FLYWCH1: variants seen among roughly 807,000 people sequenced by gnomAD.
FLYWCH1 encodes FLYWCH-type zinc finger-containing protein 1.
In FLYWCH1, 75 loss-of-function variants were observed where a neutral mutation model predicts 66.4. The ratio of observed to expected loss-of-function variants is 1.13; its 90% CI spans 0.94 to 1.37. The LOEUF (loss-of-function observed/expected upper bound fraction) is 1.37, where lower values mean the gene tolerates loss of function less well. Ranked by LOEUF, FLYWCH1 falls within the 40% of genes most tolerant of loss-of-function variation. The pLI is 0.00. For synonymous variants in FLYWCH1, 595 were observed against 429.9 expected (o/e 1.38, Z -4.75); for missense variants, 1,334 against 1,001.8 (o/e 1.33, Z -4.48).
chr16:2,922,448 G>T (rs1052989701), intron 2 of FLYWCH1: 2 of 221,644 alleles, frequency 9.0e-6, no homozygotes, highest in South Asian at 6.5e-5. Flanking sequence ...CCCAACGGCT[G>T]CTCTGTGCCC....
intron 2 of FLYWCH1, among the ~76,000 whole-genome samples, chr16:2,925,026 A>T (rs2070508761): frequency 6.6e-6 from 1 of 152,076 alleles, no homozygotes; most frequent in Non-Finnish European, 1.5e-5. Context: ...CTTCACTCTG[A>T]CGGCCTGGGA....
chr16:2,930,339 C>T (rs2070716276), intron 3 of FLYWCH1, 71 bp from the exon 4 acceptor site: 1 of 975,112 alleles, frequency 1.0e-6, no homozygotes, highest in South Asian at 1.8e-5. Flanking sequence ...CCCACGCCCT[C>T]CCTGGCTCTC....
intron 4 of FLYWCH1, among the ~76,000 whole-genome samples, chr16:2,932,664 A>C (rs1027839503): frequency 6.6e-6 from 1 of 152,150 alleles, no homozygotes; most frequent in African/African-American, 2.4e-5. Flanking sequence ...AACCATTTGA[A>C]TGTATTATAC....
At chr16:2,947,801 C>A (rs2071546115) in intron 9 of FLYWCH1, among the ~76,000 whole-genome samples, 1 of 148,484 alleles carries the variant, frequency 6.7e-6, no homozygotes, top group South Asian at 2.1e-4. Flanking sequence ...AGTACTAAAA[C>A]AGAACCTGAT....
At chr16:2,948,615 C>T in intron 9 of FLYWCH1, 73 bp from the exon 10 acceptor site, 1 of 1,496,982 alleles carries the variant, frequency 6.7e-7, no homozygotes, top group Non-Finnish European at 9.3e-7. Flanking sequence ...TTCCAGGAAT[C>T]CTGAACTTTC....
chr16:2,945,909 A>G (rs2071465651), intron 9 of FLYWCH1, among the ~76,000 whole-genome samples: 1 of 151,964 alleles, frequency 6.6e-6, no homozygotes, highest in South Asian at 2.1e-4. Flanking sequence ...AGGCAGGAGA[A>G]TGGCGTGAAC....
At chr16:2,931,115 C>A (rs945669769) in intron 4 of FLYWCH1, among the ~76,000 whole-genome samples, 2 of 151,358 alleles carry the variant, frequency 1.3e-5, no homozygotes, top group African/African-American at 4.9e-5. Context: ...TCAGCCTGAT[C>A]AACTTGGTGA....
chr16:2,937,119 A>G lies in FLYWCH1; in HGVS notation c.1514-2A>G. The G allele has an allele frequency of 4.2e-6, 3 of 715,344 alleles. No individual in the cohort carries two copies. Among genetic ancestry groups the G allele is most frequent in the East Asian group, 4.8e-5 (1 of 20,882 alleles). 44.3% of individuals were successfully genotyped at this position (715,344 alleles called of 1,614,324 possible). A position where few individuals can be genotyped will look rare whatever the true frequency, so the allele number is the denominator to read the frequency against. On this transcript the variant is annotated splice_acceptor_variant, in intron 6 of 9. Coordinates refer to ENST00000253928, the MANE Select transcript of FLYWCH1 (RefSeq NM_001308068.2). LOFTEE classifies it high-confidence loss of function. Reference sequence around the variant, plus strand: ...TGCTCCTCCCCTCCCATTTCTCAACAGGAGGCCCCGAGTTCCTGAAGACGC... The same window carrying G: ...TGCTCCTCCCCTCCCATTTCTCAACGGGAGGCCCCGAGTTCCTGAAGACGC...
rs112595722 is a variant in FLYWCH1 at position 2,925,949 on chromosome 16, G to A, written c.-73-3664G>A. On this transcript the variant is annotated intron_variant, in intron 2 of 9. Transcript: ENST00000253928. ...ACTGGAGCTGCAGCATGTGAGGTGG[G>A]GGTGAGGACGCTGAAAATGTCAGGG... Among the ~76,000 whole-genome samples, 605 of 152,288 alleles carry A rather than the reference G, an allele frequency of 4.0e-3. 8 individuals carry two copies. The highest frequency in any genetic ancestry group is 0.014 in the African/African-American group (575 of 41,550).
rs777800252 is a variant in FLYWCH1, at chr16:2,937,279, C to T, written c.1672C>T (p.Arg558Trp). The part of the protein sequence containing the change: ...CRSRAITQGR[R>W]VMVMRRHCHP... ...CAGCCGCGCCATCACCCAGGGCCGG[C>T]GGGTCATGGTCATGCGCAGGCACTG... Residue 558 changes from arginine (R) to tryptophan (W), a missense_variant, in exon 7 of 10, where the codon CGG becomes TGG. Coordinates refer to ENST00000253928, the MANE Select transcript of FLYWCH1 (RefSeq NM_001308068.2). 101 of 1,604,876 alleles carry T rather than the reference C, an allele frequency of 6.3e-5. No homozygotes were observed. The highest frequency in any genetic ancestry group is 5.9e-4 in the African/African-American group (44 of 74,752).
At chr16:2,938,065 G>C in intron 7 of FLYWCH1, 119 bp from the exon 8 acceptor site, 1 of 974,054 alleles carries the variant, frequency 1.0e-6, no homozygotes, top group South Asian at 1.7e-5. Flanking sequence ...GGACCACCGT[G>C]CAGCGTGCTA....
intron 7 of FLYWCH1, 151 bp from the exon 8 acceptor site, chr16:2,938,033 G>T: frequency 1.3e-6 from 1 of 743,452 alleles, no homozygotes. Flanking sequence ...TGGGCTGCAG[G>T]GCCCAGAGGG....
At chr16:2,931,849 C>A (rs1596374330) in intron 4 of FLYWCH1, among the ~76,000 whole-genome samples, 1 of 152,040 alleles carries the variant, frequency 6.6e-6, no homozygotes, top group African/African-American at 2.4e-5. Context: ...CGCTTTGGCT[C>A]ACGCCTGTAA....
intron 2 of FLYWCH1, among the ~76,000 whole-genome samples, chr16:2,924,970 G>A (rs2070506865): frequency 6.6e-6 from 1 of 152,234 alleles, no homozygotes; most frequent in Non-Finnish European, 1.5e-5. Flanking sequence ...AGCTCCATGG[G>A]AATGTGGGGC....
chr16:2,930,267 C>A, intron 3 of FLYWCH1, 143 bp from the exon 4 acceptor site: 1 of 642,138 alleles, frequency 1.6e-6, no homozygotes, highest in Non-Finnish European at 2.7e-6. Context: ...AAAAACCAGC[C>A]CTGAGAGTCT....
intron 4 of FLYWCH1, 36 bp downstream of exon 4, chr16:2,930,916 G>T (rs748887700): frequency 5.3e-5 from 80 of 1,500,626 alleles, no homozygotes; most frequent in Non-Finnish European, 7.1e-5. Flanking sequence ...CGTCCACTCG[G>T]GGCAGGGGAC....
At chr16:2,923,175 C>G (rs1419128154) in intron 2 of FLYWCH1, 1 of 366,710 alleles carries the variant, frequency 2.7e-6, no homozygotes, top group African/African-American at 2.2e-5. Flanking sequence ...AAAGCCTTTG[C>G]TTTGGCTTCA....
At chr16:2,919,673 A>G (rs914655509) in intron 2 of FLYWCH1, among the ~76,000 whole-genome samples, 5 of 152,166 alleles carry the variant, frequency 3.3e-5, no homozygotes, top group Non-Finnish European at 5.9e-5. Flanking sequence ...GGGACTACAC[A>G]TACGCACCAC....
chr16:2,946,060 A>G (rs112111427), intron 9 of FLYWCH1, among the ~76,000 whole-genome samples: 41 of 152,314 alleles, frequency 2.7e-4, no homozygotes, highest in African/African-American at 9.9e-4. Context: ...GTACAGCTGT[A>G]CAATGTATTT....
Sources: gnomAD v4.1 joint callset for allele counts (sites outside exome capture counted in the v4.1 genomes callset) on GRCh38, gnomAD v4.1.1 for gene constraint, MANE v1.5 for transcripts, NCBI Gene and HGNC (gene_info 2026-07-23, HGNC 2026-07-21) for gene names.